The following NEDD4L variants were observed in gnomAD, a reference collection of about 807,000 sequenced individuals.
NEDD4L encodes NEDD4 like E3 ubiquitin protein ligase, also known as E3 ubiquitin-protein ligase NEDD4-like.
In NEDD4L, 54 loss-of-function variants were observed where a neutral mutation model predicts 148.9. The observed-to-expected ratio is 0.36, with a 90% confidence interval of 0.29 to 0.45. NEDD4L has a LOEUF of 0.45. NEDD4L is among the 20% of genes least tolerant of loss of function. The pLI is 1.00. For missense variants in NEDD4L, 856 were observed against 1,233.8 expected (o/e 0.69, Z 4.59); for synonymous variants, 433 against 440.7 (o/e 0.98, Z 0.22).
chr18:58,272,883 A>AGTGT (rs1335138668), intron 5 of NEDD4L, among the ~76,000 whole-genome samples: 5 of 152,164 alleles, frequency 3.3e-5, no homozygotes, highest in Non-Finnish European at 7.3e-5. Flanking sequence ...AATGGTAGAG[A>AGTGT]CACTCATAAG....
intron 5 of NEDD4L, among the ~76,000 whole-genome samples, chr18:58,263,003 T>C (rs2049660963): frequency 6.6e-6 from 1 of 152,220 alleles, no homozygotes; most frequent in African/African-American, 2.4e-5. Flanking sequence ...TGGACTGTTC[T>C]GACACTTTTG....
chr18:58,383,227 T>C lies in NEDD4L; in HGVS notation c.2353-19T>C, dbSNP rs773754441. 34 of 1,350,020 alleles carry C rather than the reference T, an allele frequency of 2.5e-5. No individual in the cohort carries two copies. The highest frequency in any genetic ancestry group is 3.4e-5 in the Non-Finnish European group (33 of 964,222). 83.6% of individuals were successfully genotyped at this position (1,350,020 alleles called of 1,614,324 possible). ...ATAACTTCGTGATAGTAATTGTTGT[T>C]TTGTCTTTGTAATTACAGACATATC... On this transcript the variant is annotated intron_variant, in intron 24 of 30. Transcript: ENST00000400345.
intron 5 of NEDD4L, among the ~76,000 whole-genome samples, chr18:58,290,231 A>G (rs1345711822): frequency 2.0e-5 from 3 of 152,286 alleles, no homozygotes; most frequent in Non-Finnish European, 2.9e-5. Context: ...CTAATGCACC[A>G]ACCATTTATC....
chr18:58,072,870 G>GCACACACA (rs761077798), intron 1 of NEDD4L, among the ~76,000 whole-genome samples: 3 of 106,448 alleles, frequency 2.8e-5, no homozygotes, highest in Non-Finnish European at 6.0e-5. Flanking sequence ...GCGCGCGCGC[G>GCACACACA]CGCACACACA....
chr18:58,172,476 G>A (rs1164554560), intron 2 of NEDD4L, among the ~76,000 whole-genome samples: 4 of 152,244 alleles, frequency 2.6e-5, no homozygotes, highest in Admixed American at 6.5e-5. Context: ...TGTGCCAGAT[G>A]TGGTTTGAAC....
chr18:58,305,620 C>T (rs575378405), intron 5 of NEDD4L, among the ~76,000 whole-genome samples: 1 of 152,354 alleles, frequency 6.6e-6, no homozygotes, highest in East Asian at 1.9e-4. Flanking sequence ...GGCCCATACT[C>T]TCTGCCTAAA....
chr18:58,045,316 A>C (rs2081524553), intron 1 of NEDD4L: 2 of 395,082 alleles, frequency 5.1e-6, no homozygotes, highest in South Asian at 1.4e-4. Context: ...GGAGGTGTTC[A>C]AGGCTGGTGG....
intron 16 of NEDD4L, among the ~76,000 whole-genome samples, chr18:58,344,697 T>C (rs4940665): frequency 0.31 from 45,986 of 150,102 alleles, 7,149 homozygotes; most frequent in Middle Eastern, 0.4. Flanking sequence ...GGCAGCTCGT[T>C]GGAAAATATA....
rs533796725 is a variant in NEDD4L, at chr18:58,396,657, T to G, written c.*388T>G. ...ACTTTTTAAAATGATTTAGACCGATTTTCAGATTTTATTTCGTTATGATTA... is the reference window on the plus strand; with the variant it reads ...ACTTTTTAAAATGATTTAGACCGATGTTCAGATTTTATTTCGTTATGATTA... On this transcript the variant is annotated 3_prime_UTR_variant, in exon 31 of 31. Coordinates refer to ENST00000400345, the MANE Select transcript of NEDD4L (RefSeq NM_001144967.3). 16 of 154,574 alleles carry G rather than the reference T, an allele frequency of 1.0e-4. No individual in the cohort carries two copies. Among genetic ancestry groups the G allele is most frequent in the Admixed American group, 6.5e-4 (10 of 15,496 alleles). The allele number at this position is 154,574 out of a possible 1,614,324, so 9.6% of individuals were successfully genotyped here.
At chr18:58,164,690 C>T (rs532224660) in intron 1 of NEDD4L, among the ~76,000 whole-genome samples, 4 of 152,314 alleles carry the variant, frequency 2.6e-5, no homozygotes, top group African/African-American at 9.6e-5. Flanking sequence ...AGGCTGGTCT[C>T]GAACTCCTGT....
At chr18:58,052,842 T>C (rs149776089) in intron 1 of NEDD4L, among the ~76,000 whole-genome samples, 2 of 152,094 alleles carry the variant, frequency 1.3e-5, no homozygotes, top group East Asian at 1.9e-4. Flanking sequence ...GGCGTGCCCC[T>C]GTAATCCCAG....
chr18:58,142,040 C>CT (rs552184742), intron 1 of NEDD4L, among the ~76,000 whole-genome samples: 1,951 of 41,838 alleles, frequency 0.047, 111 homozygotes, highest in Middle Eastern at 0.11. Context: ...AAATTTCTTT[C>CT]TTTTTTTTTT....
intron 1 of NEDD4L, among the ~76,000 whole-genome samples, chr18:58,101,658 A>G (rs1476131494): frequency 6.6e-6 from 1 of 152,226 alleles, no homozygotes; most frequent in African/African-American, 2.4e-5. Context: ...GAATGACATC[A>G]TGAAATAGAA....
At chr18:58,122,612 C>T (rs1393056152) in intron 1 of NEDD4L, among the ~76,000 whole-genome samples, 3 of 152,220 alleles carry the variant, frequency 2.0e-5, no homozygotes, top group Non-Finnish European at 4.4e-5. Flanking sequence ...TAACTTTTCA[C>T]ATGATGTGTA....
chr18:58,101,415 T>C (rs1413266008), intron 1 of NEDD4L, among the ~76,000 whole-genome samples: 1 of 152,202 alleles, frequency 6.6e-6, no homozygotes, highest in African/African-American at 2.4e-5. Context: ...GCCTTCTGAA[T>C]ACAGTTTTTG....
intron 2 of NEDD4L, among the ~76,000 whole-genome samples, chr18:58,187,356 G>A (rs2147112986): frequency 6.6e-6 from 1 of 152,322 alleles, no homozygotes; most frequent in African/African-American, 2.4e-5. Context: ...GTACTGGAGG[G>A]CAGGGGATGG....
chr18:58,222,684 T>G (rs1330556957), intron 2 of NEDD4L, among the ~76,000 whole-genome samples: 1 of 152,232 alleles, frequency 6.6e-6, no homozygotes, highest in African/African-American at 2.4e-5. Context: ...GCCGGGTTAC[T>G]TTCAGTAAAG....
chr18:58,161,590 A>G (rs191624399), intron 1 of NEDD4L, among the ~76,000 whole-genome samples: 15 of 152,242 alleles, frequency 9.9e-5, no homozygotes, highest in African/African-American at 3.4e-4. Flanking sequence ...CTATGCAGCT[A>G]TATCATTGAC....
intron 1 of NEDD4L, among the ~76,000 whole-genome samples, chr18:58,158,603 C>T (rs2035801024): frequency 6.6e-6 from 1 of 152,176 alleles, no homozygotes; most frequent in South Asian, 2.1e-4. Flanking sequence ...CACAGAATCC[C>T]ACAGTCTTTT....
Sources: gnomAD v4.1 joint callset for allele counts (sites outside exome capture counted in the v4.1 genomes callset) on GRCh38, gnomAD v4.1.1 for gene constraint, MANE v1.5 for transcripts, NCBI Gene and HGNC (gene_info 2026-07-23, HGNC 2026-07-21) for gene names.